The following LOC112694756 variants were observed in gnomAD, a reference collection of about 807,000 sequenced individuals.
the LOC112694756 span, chr16:30,063,749 C>A: frequency 5.0e-6 from 2 of 399,358 alleles, no homozygotes; most frequent in Admixed American, 8.8e-5. Context: ...CTCGCTGCCC[C>A]CGCTGCTGCC....
chr16:30,064,098 C>T, the LOC112694756 span: 1 of 397,030 alleles, frequency 2.5e-6, no homozygotes, highest in Non-Finnish European at 4.5e-6. Context: ...CCCTTCCCCT[C>T]CACACGTCAA....
chr16:30,069,624 C>T, the LOC112694756 span: 3 of 1,613,886 alleles, frequency 1.9e-6, no homozygotes, highest in African/African-American at 2.7e-5. Flanking sequence ...AGGAGATTGC[C>T]ATGGCGACCG....
At chr16:30,069,736 C>A in the LOC112694756 span, 1 of 1,611,458 alleles carries the variant, frequency 6.2e-7, no homozygotes, top group South Asian at 1.1e-5. Flanking sequence ...ACCCTATGCC[C>A]ATTTGGACGG....
At chr16:30,058,237 AG>A in the LOC112694756 span, among the ~76,000 whole-genome samples, 2 of 152,204 alleles carry the variant, frequency 1.3e-5, no homozygotes, top group South Asian at 4.1e-4. Context: ...AGGACAGGGC[AG>A]GTTCTTTCTG....
chr16:30,053,570 C>G, the LOC112694756 span: 1 of 152,856 alleles, frequency 6.5e-6, no homozygotes, highest in East Asian at 1.9e-4. Flanking sequence ...GGCCTGTCTT[C>G]CAGCACGGAC....
chr16:30,059,524 A>G, the LOC112694756 span, among the ~76,000 whole-genome samples: 1 of 149,844 alleles, frequency 6.7e-6, no homozygotes, highest in Non-Finnish European at 1.5e-5. Context: ...TAATAATAAT[A>G]TCTCTCTTTC....
chr16:30,070,102 C>T, the LOC112694756 span: 2 of 1,613,910 alleles, frequency 1.2e-6, no homozygotes, highest in African/African-American at 1.3e-5. Flanking sequence ...TCACTCCACC[C>T]CTCTCCCTGC....
At chr16:30,069,244 A>C in the LOC112694756 span, 2 of 1,555,192 alleles carry the variant, frequency 1.3e-6, no homozygotes, top group Non-Finnish European at 1.8e-6. Context: ...GTGGCTGTGG[A>C]GAGATGTAGG....
At chr16:30,066,545 TC>T in the LOC112694756 span, among the ~76,000 whole-genome samples, 2 of 152,232 alleles carry the variant, frequency 1.3e-5, no homozygotes, top group African/African-American at 4.8e-5. Flanking sequence ...TAGGGCTTGT[TC>T]CGCCGCCCTT....
chr16:30,070,413 G>T, the LOC112694756 span: 20 of 603,456 alleles, frequency 3.3e-5, 1 homozygote, highest in Non-Finnish European at 6.0e-5. Flanking sequence ...ATTTAAGGGG[G>T]AGTCGGCCGT....
the LOC112694756 span, among the ~76,000 whole-genome samples, chr16:30,058,219 CA>C: frequency 2.6e-5 from 4 of 152,300 alleles, no homozygotes; most frequent in East Asian, 7.7e-4. Flanking sequence ...AGGGATTTAA[CA>C]GGGTGGAGGA....
At chr16:30,067,349 C>T in the LOC112694756 span, 1 of 1,614,020 alleles carries the variant, frequency 6.2e-7, no homozygotes, top group Non-Finnish European at 8.5e-7. Flanking sequence ...GGCATCCTGG[C>T]TGCAGATGAG....
At chr16:30,067,203 C>T in the LOC112694756 span, 1 of 1,611,850 alleles carries the variant, frequency 6.2e-7, no homozygotes, top group Non-Finnish European at 8.5e-7. Context: ...CCCTAGCTAA[C>T]TAGTCCTTCC....
the LOC112694756 span, chr16:30,069,450 CT>C: frequency 1.2e-6 from 2 of 1,613,996 alleles, no homozygotes; most frequent in South Asian, 2.2e-5. Flanking sequence ...GGGCTAACCC[CT>C]ATCCTCTCCT....
the LOC112694756 span, chr16:30,069,777 C>T: frequency 6.2e-7 from 1 of 1,613,000 alleles, no homozygotes; most frequent in Admixed American, 1.7e-5. Context: ...CAGCTCCTGC[C>T]AGCTTCCTGG....
the LOC112694756 span, chr16:30,068,385 T>C: frequency 1.9e-6 from 1 of 516,886 alleles, no homozygotes; most frequent in African/African-American, 1.9e-5. Flanking sequence ...ATATTTTAAT[T>C]GTAACTAAGT....
the LOC112694756 span, chr16:30,059,092 A>G: frequency 4.3e-5 from 17 of 398,220 alleles, no homozygotes; most frequent in Non-Finnish European, 7.1e-5. Context: ...TCTAGGCCCC[A>G]CACTGAGGTC....
the LOC112694756 span, among the ~76,000 whole-genome samples, chr16:30,059,854 G>A: frequency 1.3e-5 from 2 of 151,496 alleles, no homozygotes; most frequent in Admixed American, 6.6e-5. Flanking sequence ...GGCGTGAGTC[G>A]CCATGCCCGG....
At chr16:30,054,350 A>C in the LOC112694756 span, among the ~76,000 whole-genome samples, 1 of 151,714 alleles carries the variant, frequency 6.6e-6, no homozygotes, top group Non-Finnish European at 1.5e-5. Flanking sequence ...ATAATAGAAA[A>C]AGTTTTAAGT....
Sources: gnomAD v4.1 joint callset for allele counts (sites outside exome capture counted in the v4.1 genomes callset) on GRCh38, gnomAD v4.1.1 for gene constraint, MANE v1.5 for transcripts.